The following GABRA2 variants were observed in gnomAD, a reference collection of about 807,000 sequenced individuals.
The protein encoded by GABRA2 is gamma-aminobutyric acid type A receptor subunit alpha2.
GABRA2 carries 16 observed loss-of-function variants against 48.7 expected under a neutral mutation model. The observed-to-expected ratio is 0.33, with a 90% confidence interval of 0.22 to 0.50. The LOEUF is 0.50. Among genes scored for constraint, GABRA2 ranks in the 20% least tolerant of loss-of-function variants. The pLI, the probability that GABRA2 is intolerant of heterozygous loss-of-function variation, is 0.98. For missense variants in GABRA2, 275 were observed against 535.6 expected, an observed-to-expected ratio of 0.51 and a Z score of 4.80; for synonymous variants, 185 against 184.5, an observed-to-expected ratio of 1.00 and a Z score of -0.02.
At chr4:46,327,710 TAA>T (rs1435858321) in intron 4 of GABRA2, among the ~76,000 whole-genome samples, 2 of 152,042 alleles carry the variant, frequency 1.3e-5, no homozygotes, top group African/African-American at 2.4e-5. Flanking sequence ...CTGGAGTTTC[TAA>T]GAGATAATGC....
intron 3 of GABRA2, among the ~76,000 whole-genome samples, chr4:46,337,318 G>A (rs1446817288): frequency 3.9e-5 from 6 of 152,080 alleles, no homozygotes; most frequent in Non-Finnish European, 8.8e-5. Flanking sequence ...GTAAATATCC[G>A]AGGCAGGGAA....
chr4:46,260,392 C>T (rs1314726061), intron 9 of GABRA2, among the ~76,000 whole-genome samples: 1 of 151,830 alleles, frequency 6.6e-6, no homozygotes, highest in Non-Finnish European at 1.5e-5. Flanking sequence ...TAAGCTATTG[C>T]TTTTATAGAG....
chr4:46,360,547 T>C (rs1713015315), intron 3 of GABRA2, among the ~76,000 whole-genome samples: 1 of 152,212 alleles, frequency 6.6e-6, no homozygotes, highest in Non-Finnish European at 1.5e-5. Flanking sequence ...CCTCTTTCTT[T>C]TGTAAATTGC....
rs183418822 is a variant in GABRA2 at position 46,255,176 on chromosome 4, T to G, written c.1060-4572A>C. On this transcript the variant is annotated intron_variant, in intron 9 of 9. Coordinates refer to ENST00000381620, the MANE Select transcript of GABRA2 (RefSeq NM_000807.4). Reference sequence around the variant, plus strand: ...ACTGTGTATTGCAGAGTTCCTAGCATAGTTCCTGGCTCAGAGCAGGCTCAG... The same window carrying G: ...ACTGTGTATTGCAGAGTTCCTAGCAGAGTTCCTGGCTCAGAGCAGGCTCAG... 1.2e-3 allele frequency among the ~76,000 whole-genome samples: 175 copies of G among 151,762 alleles called. 1 individual carries two copies. In the Middle Eastern group the frequency reaches 0.024, roughly 21 times the overall value.
At chr4:46,268,461 A>G (rs190124984) in intron 8 of GABRA2, among the ~76,000 whole-genome samples, 240 of 152,096 alleles carry the variant, frequency 1.6e-3, no homozygotes, top group African/African-American at 5.4e-3. Context: ...ATCACTAAAC[A>G]TTGGAGGATA....
At position 46,250,621 on chromosome 4, in the gene GABRA2, A is replaced by C; in HGVS notation, c.1060-17T>G. The C allele has an allele frequency of 6.4e-7, 1 of 1,568,414 alleles. No homozygotes were observed. The highest frequency in any genetic ancestry group is 8.6e-7 in the Non-Finnish European group (1 of 1,157,642). On this transcript the variant is annotated splice_polypyrimidine_tract_variant and intron_variant, in intron 9 of 9. Coordinates refer to ENST00000381620, the MANE Select transcript of GABRA2 (RefSeq NM_000807.4). ...TTCTTTTTTCTATTGAAAAATACAA[A>C]AATTAACAGAGTGTGGGTTGAGTCT...
intron 8 of GABRA2, among the ~76,000 whole-genome samples, chr4:46,301,684 G>C (rs1725762192): frequency 6.6e-6 from 1 of 152,148 alleles, no homozygotes; most frequent in Non-Finnish European, 1.5e-5. Context: ...CACTTACTCA[G>C]CTCTAGGAAG....
At chr4:46,374,341 T>C (rs1031586238) in intron 3 of GABRA2, among the ~76,000 whole-genome samples, 1 of 152,144 alleles carries the variant, frequency 6.6e-6, no homozygotes, top group African/African-American at 2.4e-5. Flanking sequence ...GGAGTTATCT[T>C]ATGTCCTGGG....
chr4:46,296,670 A>AAAC (rs1724773982), intron 8 of GABRA2, among the ~76,000 whole-genome samples: 1 of 150,702 alleles, frequency 6.6e-6, no homozygotes, highest in Admixed American at 6.6e-5. Context: ...AAAAAAAAGA[A>AAAC]AAAAAAAAAC....
At chr4:46,330,040 T>C (rs150501504) in intron 4 of GABRA2, among the ~76,000 whole-genome samples, 89 of 152,208 alleles carry the variant, frequency 5.8e-4, no homozygotes, top group African/African-American at 1.9e-3. Context: ...GGTGTGCATA[T>C]ACATACTCAC....
intron 4 of GABRA2, among the ~76,000 whole-genome samples, chr4:46,313,876 A>G (rs1728102775): frequency 6.6e-6 from 1 of 152,176 alleles, no homozygotes; most frequent in Non-Finnish European, 1.5e-5. Context: ...GCAAAAAAGA[A>G]CAGATAAAAA....
At chr4:46,389,712 G>C (rs201583870) in intron 1 of GABRA2, 23 bp downstream of exon 1, 3 of 983,024 alleles carry the variant, frequency 3.1e-6, no homozygotes, top group Non-Finnish European at 3.6e-6. Context: ...TGTCTCTATC[G>C]GGACCAACGT....
chr4:46,383,083 T>A (rs960930776), intron 3 of GABRA2, among the ~76,000 whole-genome samples: 1 of 152,178 alleles, frequency 6.6e-6, no homozygotes, highest in Non-Finnish European at 1.5e-5. Context: ...ATTATGATAA[T>A]AATTTAAACT....
chr4:46,385,965 A>G (rs2109375207), intron 3 of GABRA2, 109 bp downstream of exon 3: 1 of 649,136 alleles, frequency 1.5e-6, no homozygotes, highest in East Asian at 2.9e-5. Flanking sequence ...CTATAATTTT[A>G]TATACACAGT....
intron 1 of GABRA2, chr4:46,389,143 G>A: frequency 3.0e-6 from 3 of 991,976 alleles, no homozygotes; most frequent in Non-Finnish European, 3.6e-6. Flanking sequence ...GGTACTTCAC[G>A]CCACAACCCC....
At chr4:46,332,802 T>A in intron 3 of GABRA2, 120 bp from the exon 4 acceptor site, 1 of 570,300 alleles carries the variant, frequency 1.8e-6, no homozygotes, top group East Asian at 3.0e-5. Context: ...TACTGGGTTT[T>A]ACTTTCTTGT....
chr4:46,333,045 T>C (rs960495790), intron 3 of GABRA2, among the ~76,000 whole-genome samples: 1 of 152,124 alleles, frequency 6.6e-6, no homozygotes, highest in Admixed American at 6.6e-5. Context: ...TTGTTTGATA[T>C]AATCCTACAT....
chr4:46,291,197 T>C (rs576328860), intron 8 of GABRA2, among the ~76,000 whole-genome samples: 53 of 152,304 alleles, frequency 3.5e-4, no homozygotes, highest in Non-Finnish European at 7.4e-4. Context: ...TAAACAAATA[T>C]TAGCCCTCTG....
At chr4:46,342,309 T>C (rs538609074) in intron 3 of GABRA2, among the ~76,000 whole-genome samples, 6 of 152,194 alleles carry the variant, frequency 3.9e-5, no homozygotes, top group Admixed American at 3.3e-4. Flanking sequence ...GTTGCGTTTA[T>C]GCAGGAGCAG....
Sources: allele counts gnomAD v4.1 joint callset (sites outside exome capture counted in the v4.1 genomes callset), GRCh38; gene constraint gnomAD v4.1.1; transcripts MANE v1.5; gene names NCBI Gene and HGNC (gene_info 2026-07-23, HGNC 2026-07-21).